TENM3: variants seen among roughly 807,000 people sequenced by gnomAD.
The protein encoded by TENM3 is teneurin-3.
Under a neutral mutation model 255.1 loss-of-function variants are expected in TENM3, and 63 were observed. The ratio of observed to expected loss-of-function variants is 0.25; its 90% CI spans 0.20 to 0.30. The LOEUF is 0.30. Among genes scored for constraint, TENM3 ranks in the 10% least tolerant of loss-of-function variants. The pLI is 1.00. For missense variants in TENM3, 2,929 were observed against 3,461.1 expected, an observed-to-expected ratio of 0.85 and a Z score of 3.86; for synonymous variants, 1,306 against 1,322.3, an observed-to-expected ratio of 0.99 and a Z score of 0.27.
intron 5 of TENM3, among the ~76,000 whole-genome samples, chr4:182,645,610 G>C (rs112915102): frequency 2.6e-5 from 4 of 152,260 alleles, no homozygotes; most frequent in African/African-American, 9.6e-5. Context: ...TACAGACTGG[G>C]GCTGCTGTTT....
intron 16 of TENM3, among the ~76,000 whole-genome samples, chr4:182,734,096 G>A (rs543454388): frequency 1.8e-4 from 27 of 152,298 alleles, no homozygotes; most frequent in African/African-American, 6.3e-4. Context: ...TTCTAAATGC[G>A]ATAAAGATTT....
rs527959206 is a variant in TENM3, at chr4:182,511,664, C to T, written c.512-89260C>T. Among the ~76,000 whole-genome samples the T allele has an allele frequency of 7.0e-4, 106 of 152,176 alleles. 1 individual carries two copies. Among genetic ancestry groups the T allele is most frequent in the African/African-American group, 2.4e-3 (101 of 41,516 alleles). On this transcript the variant is annotated intron_variant, in intron 3 of 27. Transcript: ENST00000511685. Reference sequence around the variant, plus strand: ...CTTTTTTCCATTTTTAAATTTCATTCTCACTGGAATTTTGAGAATGTAGCA... The same window carrying T: ...CTTTTTTCCATTTTTAAATTTCATTTTCACTGGAATTTTGAGAATGTAGCA...
At chr4:181,895,295 T>C in the TENM3 span, among the ~76,000 whole-genome samples, 3 of 152,016 alleles carry the variant, frequency 2.0e-5, no homozygotes, top group African/African-American at 7.2e-5. Context: ...TTTTCGCAAA[T>C]TTAAACATCT....
the TENM3 span, among the ~76,000 whole-genome samples, chr4:181,831,499 C>CAAA: frequency 0.045 from 6,456 of 144,222 alleles, 467 homozygotes; most frequent in African/African-American, 0.15. Flanking sequence ...GCCTATGTGC[C>CAAA]AAAAAAAAAA....
At chr4:182,276,907 A>G (rs1212098942) in intron 1 of TENM3, among the ~76,000 whole-genome samples, 1 of 152,248 alleles carries the variant, frequency 6.6e-6, no homozygotes. Flanking sequence ...CACTGAACTC[A>G]GCTCAGTCCT....
intron 3 of TENM3, among the ~76,000 whole-genome samples, chr4:182,391,423 C>T (rs1768415257): frequency 6.6e-6 from 1 of 152,152 alleles, no homozygotes; most frequent in African/African-American, 2.4e-5. Context: ...ACTGAGCGCT[C>T]ATTGTGAGGC....
the TENM3 span, among the ~76,000 whole-genome samples, chr4:181,603,148 G>T: frequency 6.6e-6 from 1 of 152,146 alleles, no homozygotes; most frequent in Admixed American, 6.5e-5. Flanking sequence ...ATGACAAAAT[G>T]CCATACTTGT....
chr4:181,748,656 TA>T, the TENM3 span, among the ~76,000 whole-genome samples: 2 of 152,110 alleles, frequency 1.3e-5, no homozygotes, highest in African/African-American at 4.8e-5. Flanking sequence ...CCTGTGTATA[TA>T]AAAAAAGTAA....
chr4:182,554,855 T>A (rs1742422005), intron 3 of TENM3, among the ~76,000 whole-genome samples: 1 of 151,932 alleles, frequency 6.6e-6, no homozygotes, highest in Admixed American at 6.6e-5. Context: ...CTATTTCTAC[T>A]TCTGTCCGTT....
the TENM3 span, among the ~76,000 whole-genome samples, chr4:182,078,381 G>T: frequency 6.6e-6 from 1 of 151,922 alleles, no homozygotes; most frequent in African/African-American, 2.4e-5. Context: ...AATTAGCCGG[G>T]CGTGGTGGTG....
the TENM3 span, among the ~76,000 whole-genome samples, chr4:181,817,255 C>T: frequency 2.6e-5 from 4 of 152,192 alleles, no homozygotes; most frequent in Non-Finnish European, 4.4e-5. Context: ...GCACTATTAA[C>T]ATTTGGAGCT....
the TENM3 span, among the ~76,000 whole-genome samples, chr4:182,072,445 G>C: frequency 6.6e-6 from 1 of 151,938 alleles, no homozygotes; most frequent in African/African-American, 2.4e-5. Context: ...GCCTCCAAAG[G>C]GTAGGCAGTG....
the TENM3 span, among the ~76,000 whole-genome samples, chr4:182,078,866 G>A: frequency 1.3e-5 from 2 of 152,174 alleles, no homozygotes; most frequent in Non-Finnish European, 2.9e-5. Flanking sequence ...GGGTGAAGTA[G>A]AATGGGAAGG....
At chr4:182,665,818 C>T (rs570057724) in intron 6 of TENM3, among the ~76,000 whole-genome samples, 28 of 152,216 alleles carry the variant, frequency 1.8e-4, no homozygotes, top group African/African-American at 6.3e-4. Flanking sequence ...ATGGCATGAA[C>T]CCGGGAGGCG....
At chr4:182,578,038 G>A (rs914477475) in intron 3 of TENM3, among the ~76,000 whole-genome samples, 1 of 151,216 alleles carries the variant, frequency 6.6e-6, no homozygotes, top group African/African-American at 2.4e-5. Flanking sequence ...GTGCAATGGC[G>A]CAATCTCCAC....
chr4:182,222,079 A>T (rs1384186300), intron 1 of TENM3, among the ~76,000 whole-genome samples: 1 of 152,248 alleles, frequency 6.6e-6, no homozygotes. Flanking sequence ...GATTCCAGGC[A>T]GGAGGTTTAC....
At chr4:182,126,775 T>C in the TENM3 span, among the ~76,000 whole-genome samples, 1 of 152,208 alleles carries the variant, frequency 6.6e-6, no homozygotes, top group Admixed American at 6.5e-5. Flanking sequence ...CAAAACTTTG[T>C]CTGGCTGACT....
chr4:182,086,528 G>A, the TENM3 span, among the ~76,000 whole-genome samples: 1 of 152,176 alleles, frequency 6.6e-6, no homozygotes, highest in South Asian at 2.1e-4. Context: ...GAGAAATGGA[G>A]AGAGAGCTGA....
chr4:181,920,068 CT>C, the TENM3 span, among the ~76,000 whole-genome samples: 2 of 151,670 alleles, frequency 1.3e-5, no homozygotes, highest in Non-Finnish European at 2.9e-5. Context: ...TGAACTCATC[CT>C]TTTTTATGGC....
Sources: gnomAD v4.1 joint callset for allele counts (sites outside exome capture counted in the v4.1 genomes callset) on GRCh38, gnomAD v4.1.1 for gene constraint, MANE v1.5 for transcripts, NCBI Gene and HGNC (gene_info 2026-07-23, HGNC 2026-07-21) for gene names.